PTCD1: variants seen among roughly 807,000 people sequenced by gnomAD.
The protein encoded by PTCD1 is pentatricopeptide repeat domain 1.
Under a neutral mutation model 53.4 loss-of-function variants are expected in PTCD1, and 50 were observed. That is an observed-to-expected ratio of 0.94 (90% confidence interval 0.75 to 1.19). The LOEUF (loss-of-function observed/expected upper bound fraction) is 1.19. Ranked by LOEUF, PTCD1 falls within the 50% of genes most tolerant of loss-of-function variation. The probability of loss-of-function intolerance (pLI) is 0.00; values close to 1 mark genes in which losing one functional copy is unlikely to be tolerated. For synonymous variants in PTCD1, 413 were observed against 394.8 expected (o/e 1.05, Z -0.55); for missense variants, 918 against 904.8 (o/e 1.01, Z -0.19).
chr7:99,438,096 C>G (rs1263902863), intron 1 of PTCD1, among the ~76,000 whole-genome samples: 1 of 152,092 alleles, frequency 6.6e-6, no homozygotes, highest in Non-Finnish European at 1.5e-5. Flanking sequence ...GCATTTTGTT[C>G]CTACACAAGC....
In PTCD1 at chr7:99,423,789, G is replaced by C. The variant is rs1795917357; in HGVS notation, c.1906C>G (p.Pro636Ala). ...GGGGCACACACCCGGTCAAAGGTGG[G>C]AGGGTACTGGGCTGCAAACTCCAGC... is the stretch of plus-strand genomic sequence containing the variant. The part of the protein sequence containing the change: ...RQLEFAAQYP[P>A]TFDRYQGKNT... The change falls in exon 7 of 8, where the codon CCC becomes GCC. Residue 636 changes from proline (P) to alanine (A), a missense_variant. Coordinates refer to ENST00000292478, the MANE Select transcript of PTCD1 (RefSeq NM_015545.4). 3 of 1,614,142 alleles carry C rather than the reference G, an allele frequency of 1.9e-6. No individual in the cohort carries two copies. Among genetic ancestry groups the C allele is most frequent in the Middle Eastern group, 1.7e-4 (1 of 6,038 alleles).
intron 2 of PTCD1, among the ~76,000 whole-genome samples, chr7:99,433,714 G>A (rs1796345590): frequency 6.6e-6 from 1 of 152,168 alleles, no homozygotes; most frequent in Non-Finnish European, 1.5e-5. Flanking sequence ...TATACGGCTG[G>A]GAACAAGAGA....
In PTCD1 at chr7:99,419,923, A is replaced by G. The variant is rs112770474; in HGVS notation, c.*44T>C. Reference sequence around the variant, plus strand: ...CCAGCTCACTTGTCCTGGGGCTCCCACAGAGCACTGGGGGCCGAGCACATT... The same window carrying G: ...CCAGCTCACTTGTCCTGGGGCTCCCGCAGAGCACTGGGGGCCGAGCACATT... On this transcript the variant is annotated 3_prime_UTR_variant, in exon 8 of 8. Transcript: ENST00000292478. 6.2e-7 allele frequency: 1 copy of G among 1,612,830 alleles called. No individual in the cohort carries two copies. The highest frequency in any genetic ancestry group is 1.1e-5 in the South Asian group (1 of 91,022).
In PTCD1 at chr7:99,425,548, T is replaced by C. The variant is rs768151595; in HGVS notation, c.984A>G (p.Ala328=). Residue 328 remains alanine (A), a synonymous_variant, in exon 6 of 8, where the codon GCA becomes GCG. Coordinates refer to ENST00000292478, the MANE Select transcript of PTCD1 (RefSeq NM_015545.4). ...GGTCCCCTAGGCCACAGTCCCGAGC[T>C]GCCACCAACAGCAGGTTGTAGCTGT... ...SRDSYNLLLV[A]ARDCGLGDPQ... is the part of the protein sequence containing the mutation. 3 of 1,612,806 alleles carry C rather than the reference T, an allele frequency of 1.9e-6. No homozygotes were observed. The highest frequency in any genetic ancestry group is 2.5e-6 in the Non-Finnish European group (3 of 1,179,974).
At chr7:99,431,654 C>A (rs7794682) in intron 3 of PTCD1, among the ~76,000 whole-genome samples, 7 of 151,820 alleles carry the variant, frequency 4.6e-5, no homozygotes, top group African/African-American at 1.7e-4. Flanking sequence ...GGTATGAGAA[C>A]TGCTCGAGCC....
At chr7:99,430,046 C>T (rs546341404) in intron 3 of PTCD1, among the ~76,000 whole-genome samples, 1 of 152,308 alleles carries the variant, frequency 6.6e-6, no homozygotes, top group East Asian at 1.9e-4. Context: ...CTGCCCTGGG[C>T]ACTTGTCAGC....
intron 5 of PTCD1, 48 bp from the exon 6 acceptor site, chr7:99,425,664 T>C: frequency 6.4e-7 from 1 of 1,567,934 alleles, no homozygotes; most frequent in Admixed American, 1.9e-5. Flanking sequence ...ATTCAGCAGC[T>C]GGGCGCAGGG....
At position 99,425,436 on chromosome 7, in the gene PTCD1, T is replaced by C. The variant is rs1008321556; in HGVS notation, c.1096A>G (p.Thr366Ala). ...AGGTTGCCTGCCTTGGCCTGGGCTG[T>C]CCTCCTTGGCCGCTGCCTGCTCACT... is the stretch of plus-strand genomic sequence containing the variant. ...PPVSRQRPRRTAQAKAGNLMS... is the reference protein window; with the variant it reads ...PPVSRQRPRRAAQAKAGNLMS... The change falls in exon 6 of 8, where the codon ACA (threonine) becomes GCA (alanine). Residue 366 changes from threonine to alanine, a missense_variant. Coordinates refer to ENST00000292478, the MANE Select transcript of PTCD1 (RefSeq NM_015545.4). 6.2e-7 allele frequency: 1 copy of C among 1,614,016 alleles called. No homozygotes were observed.
chr7:99,423,305 C>A (rs1194563628), intron 7 of PTCD1, among the ~76,000 whole-genome samples: 1 of 152,100 alleles, frequency 6.6e-6, no homozygotes, highest in East Asian at 1.9e-4. Flanking sequence ...AAGCCTGATA[C>A]AGGGAAGGCC....
At chr7:99,420,219 C>T in intron 7 of PTCD1, 70 bp from the exon 8 acceptor site, 1 of 1,604,460 alleles carries the variant, frequency 6.2e-7, no homozygotes, top group Non-Finnish European at 8.5e-7. Flanking sequence ...CGGCAGCTGG[C>T]TCAGGCCTCA....
In PTCD1 at chr7:99,417,519, T is replaced by C; in HGVS notation, c.*2448A>G. 6.2e-7 allele frequency: 1 copy of C among 1,611,886 alleles called. No homozygotes were observed. The highest frequency in any genetic ancestry group is 8.5e-7 in the Non-Finnish European group (1 of 1,178,366). On this transcript the variant is annotated 3_prime_UTR_variant, in exon 8 of 8. Transcript: ENST00000292478. ...CAAGGATATGAGAACTTGTGCTGCCTGCGGTGCATTCAGACACGGGACACC... is the reference window on the plus strand; with the variant it reads ...CAAGGATATGAGAACTTGTGCTGCCCGCGGTGCATTCAGACACGGGACACC...
At chr7:99,434,263 T>C (rs1389098951) in intron 2 of PTCD1, among the ~76,000 whole-genome samples, 4 of 151,936 alleles carry the variant, frequency 2.6e-5, no homozygotes, top group Non-Finnish European at 5.9e-5. Flanking sequence ...CTGGCCATCA[T>C]GGAGAAACCC....
rs1162801418 is a variant in PTCD1, at chr7:99,425,192, G to A, written c.1340C>T (p.Ala447Val). Residue 447 changes from alanine to valine, a missense_variant, in exon 6 of 8, where the codon GCC becomes GTC. Coordinates refer to ENST00000292478, the MANE Select transcript of PTCD1 (RefSeq NM_015545.4). ...ELEVNLLTPG[A>V]VPPTVVSFGT... ...AAAGGAGACCACTGTAGGGGGAACGGCCCCGGGGGTCAGGAGGTTGACTTC... is the reference window on the plus strand; with the variant it reads ...AAAGGAGACCACTGTAGGGGGAACGACCCCGGGGGTCAGGAGGTTGACTTC... 2 of 1,612,770 alleles carry A rather than the reference G, an allele frequency of 1.2e-6. No homozygotes were observed. Among genetic ancestry groups the A allele is most frequent in the African/African-American group, 1.3e-5 (1 of 74,916 alleles).
At position 99,417,793 on chromosome 7, in the gene PTCD1, C is replaced by G. The variant is rs1037924893; in HGVS notation, c.*2174G>C. On this transcript the variant is annotated 3_prime_UTR_variant, in exon 8 of 8. Transcript: ENST00000292478. Reference sequence around the variant, plus strand: ...GCGTGTGGCTGTGTGTTTGTTAGGTCTGGGGTCAATCTCAACTCCACTTTT... The same window carrying G: ...GCGTGTGGCTGTGTGTTTGTTAGGTGTGGGGTCAATCTCAACTCCACTTTT... 5.3e-6 allele frequency: 8 copies of G among 1,521,222 alleles called. No individual in the cohort carries two copies. The highest frequency in any genetic ancestry group is 7.0e-6 in the Non-Finnish European group (8 of 1,139,800). The allele number at this position is 1,521,222 out of a possible 1,614,324, so 94.2% of individuals were successfully genotyped here.
At chr7:99,426,734 C>A (rs533686566) in intron 5 of PTCD1, among the ~76,000 whole-genome samples, 2 of 150,950 alleles carry the variant, frequency 1.3e-5, no homozygotes, top group East Asian at 3.9e-4. Context: ...AAGTGAGGAG[C>A]GCCTCTTCCC....
intron 7 of PTCD1, among the ~76,000 whole-genome samples, chr7:99,422,480 T>G (rs1795860980): frequency 6.6e-6 from 1 of 152,204 alleles, no homozygotes; most frequent in Non-Finnish European, 1.5e-5. Flanking sequence ...GCAGATTCCA[T>G]GACTCTGCCC....
chr7:99,417,770 G>A lies in PTCD1; in HGVS notation c.*2197C>T, dbSNP rs571988991. On this transcript the variant is annotated 3_prime_UTR_variant, in exon 8 of 8. Transcript: ENST00000292478. ...TATTCAGGAATCCATGTGAGGCAGC[G>A]TGTGGCTGTGTGTTTGTTAGGTCTG... is the stretch of plus-strand genomic sequence containing the variant. 4.8e-5 allele frequency: 74 copies of A among 1,531,372 alleles called. 1 individual carries two copies. In the South Asian group the frequency reaches 5.2e-4, roughly 11 times the overall value. 94.9% of individuals were successfully genotyped at this position (1,531,372 alleles called of 1,614,324 possible).
chr7:99,433,561 C>A, intron 2 of PTCD1, 143 bp from the exon 3 acceptor site: 1 of 1,513,760 alleles, frequency 6.6e-7, no homozygotes, highest in Non-Finnish European at 8.9e-7. Flanking sequence ...GGGCCCCCAG[C>A]TGTTTCTGCC....
chr7:99,438,625 T>C (rs1796596027), intron 1 of PTCD1, 67 bp downstream of exon 1: 2 of 1,180,874 alleles, frequency 1.7e-6, no homozygotes, highest in Non-Finnish European at 2.1e-6. Context: ...GCTCGGGCAC[T>C]TCCTTCCCCT....
Sources: gnomAD v4.1 joint callset for allele counts (sites outside exome capture counted in the v4.1 genomes callset) on GRCh38, gnomAD v4.1.1 for gene constraint, MANE v1.5 for transcripts, NCBI Gene and HGNC (gene_info 2026-07-23, HGNC 2026-07-21) for gene names.